CIP2A: variants seen among roughly 807,000 people sequenced by gnomAD.
The protein encoded by CIP2A is protein CIP2A.
A neutral mutation model predicts 110.9 loss-of-function variants in CIP2A; 103 were observed. That is an observed-to-expected ratio of 0.93 (90% CI 0.79 to 1.09). The LOEUF (loss-of-function observed/expected upper bound fraction) is 1.09, where lower values mean the gene tolerates loss of function less well. CIP2A is among the 50% of genes least tolerant of loss of function. CIP2A has a pLI of 0.00. For missense variants in CIP2A, 1,088 were observed against 1,038.4 expected (o/e 1.05, Z -0.66); for synonymous variants, 381 against 361.6 (o/e 1.05, Z -0.61).
chr3:108,581,764 T>C (rs1276737260), intron 4 of CIP2A, among the ~76,000 whole-genome samples: 1 of 152,196 alleles, frequency 6.6e-6, no homozygotes, highest in Non-Finnish European at 1.5e-5. Flanking sequence ...GCGTGGACCA[T>C]GTGCTGTTTC....
rs1184158871 is a variant in CIP2A, at chr3:108,565,433, A to G, written c.1437T>C (p.Ile479=). Reference sequence around the variant, plus strand: ...TGTTAATCAAATCAAGAGTTTTCAAAATTACATCAGCAGCAAGTTTGCTTT... The same window carrying G: ...TGTTAATCAAATCAAGAGTTTTCAAGATTACATCAGCAGCAAGTTTGCTTT... ...SELCKLAADV[I]LKTLDLINKL... Residue 479 remains isoleucine (I), a synonymous_variant, in exon 12 of 21, where the codon ATT becomes ATC. Coordinates refer to ENST00000295746, the MANE Select transcript of CIP2A (RefSeq NM_020890.3). The G allele has an allele frequency of 2.5e-6, 4 of 1,591,592 alleles. No homozygotes were observed. In the East Asian group the frequency reaches 9.0e-5, roughly 36 times the overall value.
chr3:108,567,145 A>G (rs1301567561), intron 10 of CIP2A, among the ~76,000 whole-genome samples: 7 of 151,856 alleles, frequency 4.6e-5, no homozygotes, highest in Non-Finnish European at 8.8e-5. Flanking sequence ...ATCACAAACA[A>G]AAAAGCCAAC....
intron 8 of CIP2A, among the ~76,000 whole-genome samples, chr3:108,571,078 C>A (rs1355092978): frequency 6.6e-6 from 1 of 152,068 alleles, no homozygotes; most frequent in Non-Finnish European, 1.5e-5. Flanking sequence ...ACTTCCACCT[C>A]CACATGTTGT....
At chr3:108,570,996 T>G (rs917962063) in intron 8 of CIP2A, among the ~76,000 whole-genome samples, 1 of 152,074 alleles carries the variant, frequency 6.6e-6, no homozygotes, top group African/African-American at 2.4e-5. Flanking sequence ...TTTTTAAACT[T>G]TTTTTGTTAA....
rs1454202139 is a variant in CIP2A, at chr3:108,563,254, T to A, written c.1516-10A>T. ...TAATCAAACGTGGGTCCTAAATAAA[T>A]CAGAAACCAAAAAAGAAGCAGCAGA... On this transcript the variant is annotated splice_polypyrimidine_tract_variant and intron_variant, in intron 12 of 20. Coordinates refer to ENST00000295746, the MANE Select transcript of CIP2A (RefSeq NM_020890.3). The A allele has an allele frequency of 6.7e-7, 1 of 1,502,558 alleles. No individual in the cohort carries two copies. Among genetic ancestry groups the A allele is most frequent in the Non-Finnish European group, 9.2e-7 (1 of 1,081,336 alleles). 93.1% of individuals were successfully genotyped at this position (1,502,558 alleles called of 1,614,324 possible).
chr3:108,579,910 T>C (rs902132621), intron 5 of CIP2A, among the ~76,000 whole-genome samples: 1 of 152,058 alleles, frequency 6.6e-6, no homozygotes, highest in African/African-American at 2.4e-5. Context: ...CAGAAAAAAA[T>C]AATTTGGTAA....
chr3:108,583,083 G>C lies in CIP2A; in HGVS notation c.251C>G (p.Ala84Gly). ...LSIIGLLSQLAVDIETRDCLQ... is the reference protein window; with the variant it reads ...LSIIGLLSQLGVDIETRDCLQ... ...ACAATCTCTGGTTTCAATGTCTACT[G>C]CTATAAGTTAAAATAAAAGCACAAA... Residue 84 changes from alanine (A) to glycine (G), a missense_variant and splice_region_variant, in exon 3 of 21, where the codon GCA (alanine) becomes GGA (glycine). Transcript: ENST00000295746. 6.4e-7 allele frequency: 1 copy of C among 1,554,782 alleles called. No homozygotes were observed. Among genetic ancestry groups the C allele is most frequent in the Non-Finnish European group, 8.8e-7 (1 of 1,138,278 alleles).
chr3:108,586,607 G>C (rs1275683985), intron 1 of CIP2A, among the ~76,000 whole-genome samples: 1 of 152,078 alleles, frequency 6.6e-6, no homozygotes, highest in Non-Finnish European at 1.5e-5. Context: ...CATCGATCTA[G>C]GCACTTTACA....
intron 17 of CIP2A, among the ~76,000 whole-genome samples, chr3:108,556,439 A>G (rs1182181992): frequency 6.6e-6 from 1 of 152,162 alleles, no homozygotes. Flanking sequence ...AGGAAAAACC[A>G]ATCAAACTTT....
At chr3:108,553,014 T>C (rs1937629242) in intron 19 of CIP2A, among the ~76,000 whole-genome samples, 1 of 151,684 alleles carries the variant, frequency 6.6e-6, no homozygotes, top group Admixed American at 6.6e-5. Context: ...ATCCGTGTCA[T>C]GCAATATACC....
chr3:108,582,208 A>C lies in CIP2A; in HGVS notation c.358-6T>G, dbSNP rs756729565. ...TTCTGTAGAAGTTGAATGCACTGAG[A>C]ATAAGAAAATAGTTATAAATATAAA... On this transcript the variant is annotated splice_region_variant and splice_polypyrimidine_tract_variant and intron_variant, in intron 3 of 20. Transcript: ENST00000295746. 17 of 1,161,584 alleles carry C rather than the reference A, an allele frequency of 1.5e-5. No individual in the cohort carries two copies. In the South Asian group the frequency reaches 1.9e-4, roughly 13 times the overall value. The allele number at this position is 1,161,584 out of a possible 1,614,324, so 72.0% of individuals were successfully genotyped here.
At chr3:108,585,314 C>T in intron 1 of CIP2A, 102 bp from the exon 2 acceptor site, 2 of 1,065,160 alleles carry the variant, frequency 1.9e-6, no homozygotes, top group Non-Finnish European at 2.6e-6. Flanking sequence ...CCACTGCTAC[C>T]TTCCCAATTT....
chr3:108,569,006 C>G (rs927916686), intron 9 of CIP2A, among the ~76,000 whole-genome samples: 1 of 151,124 alleles, frequency 6.6e-6, no homozygotes, highest in Non-Finnish European at 1.5e-5. Flanking sequence ...TACTCCATTT[C>G]ACTGACTGAA....
rs1248588517 is a variant in CIP2A at position 108,550,850 on chromosome 3, T to C, written c.*299A>G. 5.9e-6 allele frequency: 1 copy of C among 169,156 alleles called. No individual in the cohort carries two copies. The highest frequency in any genetic ancestry group is 6.3e-5 in the Admixed American group (1 of 15,828). The allele number at this position is 169,156 out of a possible 1,614,324, so 10.5% of individuals were successfully genotyped here. A position where few individuals can be genotyped will look rare whatever the true frequency, so the allele number is the denominator to read the frequency against. ...CAGGCAAAACAGAATAGAAAGCAAC[T>C]AAGAAAAAGGAAAGAACCTTAGAAA... is the stretch of plus-strand genomic sequence containing the variant. On this transcript the variant is annotated 3_prime_UTR_variant, in exon 21 of 21. Coordinates refer to ENST00000295746, the MANE Select transcript of CIP2A (RefSeq NM_020890.3).
At position 108,579,600 on chromosome 3, in the gene CIP2A, G is replaced by A. The variant is rs77545973; in HGVS notation, c.638C>T (p.Ser213Phe). 2.7e-3 allele frequency: 4,265 copies of A among 1,597,180 alleles called. 104 individuals carry two copies. The African/African-American group carries it at 0.05, about 19-fold the overall frequency. ...CACCTCTTCATTTAATGTCAAACTG[G>A]ATAATATTGAAAGTGCAAACACAAC... Reference protein sequence around the residue: ...TVVVFALSILSSLTLNEEVGE... With the variant: ...TVVVFALSILFSLTLNEEVGE... Residue 213 changes from serine to phenylalanine, a missense_variant, in exon 6 of 21, where the codon TCC becomes TTC. Transcript: ENST00000295746.
At chr3:108,564,695 G>A (rs546906352) in intron 12 of CIP2A, among the ~76,000 whole-genome samples, 2 of 151,798 alleles carry the variant, frequency 1.3e-5, no homozygotes, top group Non-Finnish European at 2.9e-5. Flanking sequence ...TCTGCTTTTA[G>A]TTCCCTATTT....
intron 17 of CIP2A, among the ~76,000 whole-genome samples, chr3:108,556,552 C>T (rs1937808439): frequency 6.6e-6 from 1 of 152,098 alleles, no homozygotes. Context: ...TTTTTGAGTG[C>T]TACCATTGTG....
chr3:108,585,144 A>G lies in CIP2A; in HGVS notation c.171T>C (p.Ser57=). The change falls in exon 2 of 21, where the codon AGT becomes AGC. Residue 57 remains serine (S), a synonymous_variant. Transcript: ENST00000295746. ...SNQILTSECL[S]CLVELLEDPN... ...GGTCTTCAAGTAGCTCTACAAGGCA[A>G]CTCAAGCATTCACTTGTTAATATCT... The G allele has an allele frequency of 6.2e-7, 1 of 1,613,516 alleles. No homozygotes were observed. Among genetic ancestry groups the G allele is most frequent in the Non-Finnish European group, 8.5e-7 (1 of 1,179,536 alleles).
chr3:108,556,996 A>C (rs1026329278), intron 17 of CIP2A, among the ~76,000 whole-genome samples: 3 of 152,174 alleles, frequency 2.0e-5, no homozygotes. Context: ...AATACATAAA[A>C]GAAGTCAACT....
Sources: allele counts gnomAD v4.1 joint callset (sites outside exome capture counted in the v4.1 genomes callset), GRCh38; gene constraint gnomAD v4.1.1; transcripts MANE v1.5; gene names NCBI Gene and HGNC (gene_info 2026-07-23, HGNC 2026-07-21).